The following DOCK3 variants were observed in gnomAD, a reference collection of about 807,000 sequenced individuals.
The protein encoded by DOCK3 is dedicator of cytokinesis 3, also known as dedicator of cytokinesis protein 3.
In DOCK3, 60 loss-of-function variants were observed where a neutral mutation model predicts 265.6. The ratio of observed to expected loss-of-function variants is 0.23; its 90% CI spans 0.18 to 0.28. The LOEUF is 0.28. Among genes scored for constraint, DOCK3 ranks in the 10% least tolerant of loss-of-function variants. DOCK3 has a pLI of 1.00. For synonymous variants in DOCK3, 881 were observed against 938.0 expected (o/e 0.94, Z 1.11); for missense variants, 1,981 against 2,594.3 (o/e 0.76, Z 5.14).
At chr3:50,922,008 C>G (rs1026951297) in intron 4 of DOCK3, among the ~76,000 whole-genome samples, 4 of 152,184 alleles carry the variant, frequency 2.6e-5, no homozygotes, top group Admixed American at 2.6e-4. Context: ...CGGTAAAGGA[C>G]CCACTTGAGG....
chr3:50,897,186 G>T (rs1353784196), intron 4 of DOCK3, among the ~76,000 whole-genome samples: 1 of 152,146 alleles, frequency 6.6e-6, no homozygotes, highest in Non-Finnish European at 1.5e-5. Flanking sequence ...AGTTCCACTT[G>T]AAGAGGTCCT....
At chr3:50,715,711 C>T (rs1004103791) in intron 1 of DOCK3, among the ~76,000 whole-genome samples, 1 of 152,086 alleles carries the variant, frequency 6.6e-6, no homozygotes, top group Non-Finnish European at 1.5e-5. Flanking sequence ...CCCATAGTTC[C>T]AACCAGGTAG....
chr3:50,890,088 A>G lies in DOCK3; in HGVS notation c.218+7A>G. 7.0e-7 allele frequency: 1 copy of G among 1,428,888 alleles called. No individual in the cohort carries two copies. The highest frequency in any genetic ancestry group is 9.1e-7 in the Non-Finnish European group (1 of 1,103,606). 88.5% of individuals were successfully genotyped at this position (1,428,888 alleles called of 1,614,324 possible). On this transcript the variant is annotated splice_region_variant and intron_variant, in intron 4 of 52. Coordinates refer to ENST00000266037, the MANE Select transcript of DOCK3 (RefSeq NM_004947.5). ...CAATTGTCAGTAATAGGGGGTGAGT[A>G]ATTGGCCTTACTAAATTTATGTACA...
intron 13 of DOCK3, among the ~76,000 whole-genome samples, chr3:51,210,014 C>T (rs2089419318): frequency 6.6e-6 from 1 of 152,302 alleles, no homozygotes; most frequent in African/African-American, 2.4e-5. Context: ...AGGAAAGTTA[C>T]TAGCAATTTG....
chr3:51,024,613 A>G (rs1472965934), intron 5 of DOCK3, among the ~76,000 whole-genome samples: 2 of 152,182 alleles, frequency 1.3e-5, no homozygotes, highest in Admixed American at 6.5e-5. Flanking sequence ...CTGGCTGTTC[A>G]GATCAGACAG....
intron 12 of DOCK3, among the ~76,000 whole-genome samples, chr3:51,203,309 A>C (rs982984641): frequency 1.1e-4 from 17 of 152,310 alleles, no homozygotes; most frequent in African/African-American, 2.9e-4. Context: ...TGATAAGCAA[A>C]TTCAGCAAGG....
At chr3:51,059,288 C>A (rs140965824) in intron 5 of DOCK3, among the ~76,000 whole-genome samples, 34 of 152,246 alleles carry the variant, frequency 2.2e-4, no homozygotes, top group African/African-American at 7.5e-4. Flanking sequence ...ACCTAATTAT[C>A]TCCCAAACAG....
chr3:50,829,394 C>G (rs910889008), intron 2 of DOCK3, among the ~76,000 whole-genome samples: 1 of 152,114 alleles, frequency 6.6e-6, no homozygotes, highest in Non-Finnish European at 1.5e-5. Flanking sequence ...TCTTGGAATC[C>G]TGTATGCCAT....
intron 2 of DOCK3, chr3:50,788,173 T>C (rs2042282930): frequency 1.6e-5 from 12 of 749,494 alleles, no homozygotes; most frequent in East Asian, 3.4e-5. Flanking sequence ...TGTGGCACCA[T>C]GATGAAAGCT....
chr3:50,970,152 G>A (rs1341143689), intron 5 of DOCK3, among the ~76,000 whole-genome samples: 2 of 152,182 alleles, frequency 1.3e-5, no homozygotes, highest in Admixed American at 6.5e-5. Context: ...AGTTTCTGCC[G>A]AGAAGTCTGC....
At chr3:50,884,942 T>A (rs912151995) in intron 3 of DOCK3, among the ~76,000 whole-genome samples, 2 of 152,176 alleles carry the variant, frequency 1.3e-5, no homozygotes, top group Admixed American at 6.6e-5. Context: ...TGTTGTACCA[T>A]CCTAAGGGTT....
intron 32 of DOCK3, among the ~76,000 whole-genome samples, chr3:51,323,124 G>A (rs2083854358): frequency 6.6e-6 from 1 of 152,096 alleles, no homozygotes; most frequent in South Asian, 2.1e-4. Context: ...ATTACATAAT[G>A]GTAAGGAGAT....
intron 4 of DOCK3, among the ~76,000 whole-genome samples, chr3:50,917,823 A>G (rs1035153613): frequency 3.9e-5 from 6 of 152,056 alleles, no homozygotes; most frequent in African/African-American, 1.5e-4. Flanking sequence ...GCTTTGTTAC[A>G]TATGTATACA....
chr3:50,762,423 A>G (rs1008503202), intron 1 of DOCK3, among the ~76,000 whole-genome samples: 21 of 152,178 alleles, frequency 1.4e-4, no homozygotes, highest in African/African-American at 4.8e-4. Context: ...TGTAAATGAC[A>G]TTATATAATA....
chr3:51,296,221 T>G (rs2082071298), intron 27 of DOCK3, among the ~76,000 whole-genome samples: 1 of 152,152 alleles, frequency 6.6e-6, no homozygotes, highest in African/African-American at 2.4e-5. Flanking sequence ...AAATCCCAGT[T>G]ACAGTATCAT....
At chr3:50,848,492 A>G (rs2046201164) in intron 3 of DOCK3, among the ~76,000 whole-genome samples, 1 of 152,210 alleles carries the variant, frequency 6.6e-6, no homozygotes, top group Non-Finnish European at 1.5e-5. Flanking sequence ...TAGTGGTAAC[A>G]AATTTCCTTA....
intron 4 of DOCK3, among the ~76,000 whole-genome samples, chr3:50,929,453 T>C (rs1447080275): frequency 6.6e-6 from 1 of 152,236 alleles, no homozygotes; most frequent in East Asian, 1.9e-4. Flanking sequence ...TAGCAATTGG[T>C]GTTGTGTCTC....
intron 6 of DOCK3, among the ~76,000 whole-genome samples, chr3:51,074,076 A>T (rs961197602): frequency 6.6e-6 from 1 of 152,224 alleles, no homozygotes; most frequent in Non-Finnish European, 1.5e-5. Context: ...AATAGTTCAT[A>T]GTCTAATTGA....
At chr3:51,048,978 A>G (rs1390594266) in intron 5 of DOCK3, among the ~76,000 whole-genome samples, 1 of 152,182 alleles carries the variant, frequency 6.6e-6, no homozygotes, top group Non-Finnish European at 1.5e-5. Flanking sequence ...AACAACAGCA[A>G]CAACAAACAG....
Sources: gnomAD v4.1 joint callset for allele counts (sites outside exome capture counted in the v4.1 genomes callset) on GRCh38, gnomAD v4.1.1 for gene constraint, MANE v1.5 for transcripts, NCBI Gene and HGNC (gene_info 2026-07-23, HGNC 2026-07-21) for gene names.